The following STPG2 variants were observed in gnomAD, a reference collection of about 807,000 sequenced individuals.
STPG2 encodes the protein sperm-tail PG-rich repeat-containing protein 2.
Under a neutral mutation model 54.2 loss-of-function variants are expected in STPG2, and 56 were observed. The observed-to-expected ratio is 1.03, with a 90% CI of 0.83 to 1.29. The LOEUF (loss-of-function observed/expected upper bound fraction) is 1.29, where lower values mean the gene tolerates loss of function less well. Among genes scored for constraint, STPG2 ranks in the 50% most tolerant of loss-of-function variants. The pLI, the probability that STPG2 is intolerant of heterozygous loss-of-function variation, is 0.00. For missense variants in STPG2, 596 were observed against 544.9 expected (o/e 1.09, Z -0.93); for synonymous variants, 200 against 181.8 (o/e 1.10, Z -0.81).
At chr4:97,940,432 G>A (rs985118630) in intron 8 of STPG2, among the ~76,000 whole-genome samples, 8 of 152,126 alleles carry the variant, frequency 5.3e-5, no homozygotes, top group Non-Finnish European at 1.0e-4. Context: ...TTTCAGGGAT[G>A]CCAGTGATTC....
intron 4 of STPG2, among the ~76,000 whole-genome samples, chr4:97,441,876 C>CA (rs1360789072): frequency 6.6e-6 from 1 of 151,338 alleles, no homozygotes; most frequent in Non-Finnish European, 1.5e-5. Context: ...TACGACAGAG[C>CA]AAAAAAGAAA....
chr4:97,760,621 A>G (rs1725863282), intron 9 of STPG2, among the ~76,000 whole-genome samples: 1 of 152,204 alleles, frequency 6.6e-6, no homozygotes, highest in African/African-American at 2.4e-5. Context: ...GAAAGGAAAT[A>G]TAATACTAAG....
chr4:97,982,845 G>A (rs1217869128), intron 5 of STPG2, among the ~76,000 whole-genome samples: 2 of 152,066 alleles, frequency 1.3e-5, no homozygotes, highest in Admixed American at 6.6e-5. Context: ...CTACTAGGTG[G>A]GTGATGTGTG....
chr4:97,622,397 G>C (rs561466844), intron 10 of STPG2, among the ~76,000 whole-genome samples: 3 of 152,156 alleles, frequency 2.0e-5, no homozygotes, highest in South Asian at 2.1e-4. Flanking sequence ...CTGCCCAAAA[G>C]TTTCTTGATT....
chr4:98,018,679 A>G (rs76668593), intron 5 of STPG2, among the ~76,000 whole-genome samples: 54,660 of 147,858 alleles, frequency 0.37, 10,396 homozygotes, highest in Middle Eastern at 0.45. Flanking sequence ...TCCAGCACCT[A>G]TTGTTTCCTG....
chr4:97,816,862 C>T (rs1727929219), intron 9 of STPG2, among the ~76,000 whole-genome samples: 3 of 150,372 alleles, frequency 2.0e-5, no homozygotes. Flanking sequence ...CTTTCTTTCT[C>T]TTTCTCTTTC....
At chr4:97,973,557 A>G (rs564421207) in intron 6 of STPG2, among the ~76,000 whole-genome samples, 48 of 152,344 alleles carry the variant, frequency 3.2e-4, no homozygotes, top group African/African-American at 1.1e-3. Flanking sequence ...CCCCAAGACA[A>G]TGGGAAAAAT....
At position 97,559,057 on chromosome 4, in the gene STPG2, G is replaced by T; in HGVS notation, c.*1C>A. The T allele has an allele frequency of 1.3e-6, 2 of 1,597,654 alleles. No homozygotes were observed. The highest frequency in any genetic ancestry group is 2.3e-5 in the East Asian group (1 of 44,186). On this transcript the variant is annotated 3_prime_UTR_variant, in exon 11 of 11. Transcript: ENST00000295268. ...TTTTAAGTTTTTGCCATAAATTTAT[G>T]TCACATTATATCAGCAGCCATTTCA... is the stretch of plus-strand genomic sequence containing the variant.
chr4:98,082,411 A>G (rs1738374200), intron 5 of STPG2, among the ~76,000 whole-genome samples: 2 of 116,178 alleles, frequency 1.7e-5, no homozygotes, highest in South Asian at 6.2e-4. Context: ...TTTTCTTCCC[A>G]TCTTTCCCAT....
chr4:97,739,087 A>C (rs1725126128), intron 9 of STPG2, among the ~76,000 whole-genome samples: 1 of 152,140 alleles, frequency 6.6e-6, no homozygotes, highest in South Asian at 2.1e-4. Context: ...CTACATGGAA[A>C]CTGAACAACC....
intron 9 of STPG2, among the ~76,000 whole-genome samples, chr4:97,739,537 C>G (rs906234246): frequency 6.6e-6 from 1 of 152,136 alleles, no homozygotes; most frequent in African/African-American, 2.4e-5. Flanking sequence ...GGGATATCAC[C>G]ACTGGTCCCA....
intron 5 of STPG2, among the ~76,000 whole-genome samples, chr4:98,058,983 A>G (rs1214312438): frequency 1.3e-5 from 2 of 151,830 alleles, no homozygotes; most frequent in Admixed American, 6.6e-5. Context: ...CAGAAGACAA[A>G]AAAAAAAAAA....
intron 4 of STPG2, among the ~76,000 whole-genome samples, chr4:97,506,100 AC>A (rs1730839017): frequency 6.6e-6 from 1 of 151,578 alleles, no homozygotes; most frequent in African/African-American, 2.4e-5. Flanking sequence ...TGTGAACCAA[AC>A]ATAGCCTATG....
intron 8 of STPG2, among the ~76,000 whole-genome samples, chr4:97,864,213 C>T (rs374696861): frequency 6.6e-6 from 1 of 152,282 alleles, no homozygotes; most frequent in East Asian, 1.9e-4. Context: ...TGACTCAGCC[C>T]AAAATCTACT....
At chr4:97,770,297 A>T (rs971549686) in intron 9 of STPG2, among the ~76,000 whole-genome samples, 1 of 152,170 alleles carries the variant, frequency 6.6e-6, no homozygotes, top group Non-Finnish European at 1.5e-5. Context: ...CTAAATGTGC[A>T]GTTATCAGGA....
chr4:98,097,743 A>T (rs1738903418), intron 5 of STPG2, among the ~76,000 whole-genome samples: 1 of 152,194 alleles, frequency 6.6e-6, no homozygotes, highest in South Asian at 2.1e-4. Flanking sequence ...TCCACAAAAA[A>T]AATTATTTGA....
chr4:97,796,190 A>T (rs1487113489), intron 9 of STPG2, among the ~76,000 whole-genome samples: 2 of 152,086 alleles, frequency 1.3e-5, no homozygotes, highest in African/African-American at 4.8e-5. Flanking sequence ...ACTGTGCAGA[A>T]GCTCTTTAGT....
chr4:98,036,584 CT>C (rs1736787748), intron 5 of STPG2, among the ~76,000 whole-genome samples: 1 of 151,660 alleles, frequency 6.6e-6, no homozygotes, highest in Non-Finnish European at 1.5e-5. Flanking sequence ...CGTATTCTGT[CT>C]TATAAGTGGG....
chr4:98,107,143 G>A (rs964950905), intron 4 of STPG2, among the ~76,000 whole-genome samples: 5 of 152,106 alleles, frequency 3.3e-5, no homozygotes, highest in Non-Finnish European at 7.4e-5. Flanking sequence ...AAATTTATAT[G>A]TGGAATATCA....
Sources: allele counts gnomAD v4.1 joint callset (sites outside exome capture counted in the v4.1 genomes callset), GRCh38; gene constraint gnomAD v4.1.1; transcripts MANE v1.5; gene names NCBI Gene and HGNC (gene_info 2026-07-23, HGNC 2026-07-21).